SEMA3E: variants seen among roughly 807,000 people sequenced by gnomAD.
SEMA3E encodes semaphorin 3E, also known as semaphorin-3E.
A neutral mutation model predicts 93.6 loss-of-function variants in SEMA3E; 49 were observed. The ratio of observed to expected loss-of-function variants is 0.52; its 90% CI spans 0.42 to 0.66. The LOEUF is 0.66. Among genes scored for constraint, SEMA3E ranks in the 30% least tolerant of loss-of-function variants. The pLI is 0.00. For synonymous variants in SEMA3E, 363 were observed against 330.7 expected (o/e 1.10, Z -1.06); for missense variants, 906 against 964.8 (o/e 0.94, Z 0.81).
intron 11 of SEMA3E, among the ~76,000 whole-genome samples, chr7:83,398,633 T>A (rs1424479319): frequency 1.3e-5 from 2 of 152,180 alleles, no homozygotes; most frequent in East Asian, 3.9e-4. Context: ...TTTTCTTTTT[T>A]AAATCTTTGT....
At chr7:83,429,161 T>G (rs1471911260) in intron 4 of SEMA3E, among the ~76,000 whole-genome samples, 1 of 152,196 alleles carries the variant, frequency 6.6e-6, no homozygotes, top group East Asian at 1.9e-4. Context: ...TTAATACCAT[T>G]GGAATAGCTG....
chr7:83,449,703 T>C (rs988839004), intron 4 of SEMA3E, among the ~76,000 whole-genome samples: 1 of 152,130 alleles, frequency 6.6e-6, no homozygotes, highest in Non-Finnish European at 1.5e-5. Flanking sequence ...TCAGAAAACG[T>C]TGGTTTTGTT....
chr7:83,448,841 G>C (rs906737728), intron 4 of SEMA3E, among the ~76,000 whole-genome samples: 1 of 152,046 alleles, frequency 6.6e-6, no homozygotes, highest in Non-Finnish European at 1.5e-5. Context: ...TAAGTTTTTG[G>C]TATGAGAGAC....
chr7:83,508,553 C>T (rs975638972), intron 1 of SEMA3E, among the ~76,000 whole-genome samples: 17 of 152,218 alleles, frequency 1.1e-4, no homozygotes, highest in East Asian at 9.6e-4. Context: ...TGAGCCACTG[C>T]GCCTGGCTTA....
chr7:83,638,232 A>G (rs1793919932), intron 1 of SEMA3E, among the ~76,000 whole-genome samples: 1 of 152,208 alleles, frequency 6.6e-6, no homozygotes, highest in Admixed American at 6.5e-5. Flanking sequence ...GAGGTCATTC[A>G]TAACAATATT....
intron 4 of SEMA3E, among the ~76,000 whole-genome samples, chr7:83,461,068 T>C (rs1188233915): frequency 6.6e-6 from 1 of 152,106 alleles, no homozygotes; most frequent in Non-Finnish European, 1.5e-5. Flanking sequence ...AACTGGACAG[T>C]AGTTCCAAAT....
At position 83,363,859 on chromosome 7, in the gene SEMA3E, CATTTTTTTTTTTTTTTTTTTTTT is replaced by C. The variant is rs1794622078; in HGVS notation, c.*3704_*3726del. The C allele has an allele frequency of 9.9e-6, 1 of 100,558 alleles. No individual in the cohort carries two copies. Among genetic ancestry groups the C allele is most frequent in the African/African-American group, 4.7e-5 (1 of 21,430 alleles). The allele number at this position is 100,558 out of a possible 1,614,324, so 6.2% of individuals were successfully genotyped here. A position where few individuals can be genotyped will look rare whatever the true frequency, so the allele number is the denominator to read the frequency against. On this transcript the variant is annotated 3_prime_UTR_variant, in exon 17 of 17. Coordinates refer to ENST00000643230, the MANE Select transcript of SEMA3E (RefSeq NM_012431.3). ...AGGCTACAGGTGTCACAGGTCAATT[CATTTTTTTTTTTTTTTTTTTTTT>C]TTTTTTTTTTTTTTTTTTTTTTTGA...
At chr7:83,543,936 G>A (rs1791589555) in intron 1 of SEMA3E, among the ~76,000 whole-genome samples, 1 of 151,962 alleles carries the variant, frequency 6.6e-6, no homozygotes, top group South Asian at 2.1e-4. Flanking sequence ...TCTTTAGTTA[G>A]GTCAAACATT....
At chr7:83,538,394 G>A (rs1245419690) in intron 1 of SEMA3E, among the ~76,000 whole-genome samples, 1 of 152,078 alleles carries the variant, frequency 6.6e-6, no homozygotes, top group Non-Finnish European at 1.5e-5. Flanking sequence ...GGCATGAGGT[G>A]TATCTTATTA....
intron 1 of SEMA3E, among the ~76,000 whole-genome samples, chr7:83,609,246 A>T (rs1431434534): frequency 6.6e-6 from 1 of 152,062 alleles, no homozygotes; most frequent in Non-Finnish European, 1.5e-5. Context: ...AAATGATGAT[A>T]TTTAAATAGA....
chr7:83,534,934 C>T lies in SEMA3E; in HGVS notation c.116-44660G>A, dbSNP rs78405255. 4.3e-3 allele frequency among the ~76,000 whole-genome samples: 659 copies of T among 152,252 alleles called. 8 individuals carry two copies. The highest frequency in any genetic ancestry group is 0.015 in the African/African-American group (633 of 41,534). On this transcript the variant is annotated intron_variant, in intron 1 of 16. Coordinates refer to ENST00000643230, the MANE Select transcript of SEMA3E (RefSeq NM_012431.3). The stretch of plus-strand genomic sequence containing the variant: ...CAATCTAGTGATAGGATTTTATCCT[C>T]GGGGCAATAATAAGCCATTCCTCTG...
chr7:83,550,663 C>T (rs1175396364), intron 1 of SEMA3E, among the ~76,000 whole-genome samples: 1 of 152,042 alleles, frequency 6.6e-6, no homozygotes, highest in Non-Finnish European at 1.5e-5. Flanking sequence ...GTTTTAGCAT[C>T]TTACTCTATT....
At chr7:83,416,984 T>TAA (rs1788555729) in intron 5 of SEMA3E, among the ~76,000 whole-genome samples, 1 of 113,668 alleles carries the variant, frequency 8.8e-6, no homozygotes, top group South Asian at 3.2e-4. Flanking sequence ...ACTCTGTTTA[T>TAA]ACACACACAC....
intron 2 of SEMA3E, 76 bp from the exon 3 acceptor site, chr7:83,469,378 T>G: frequency 9.8e-7 from 1 of 1,016,990 alleles, no homozygotes; most frequent in South Asian, 1.4e-5. Flanking sequence ...TTCACTTTCT[T>G]CTACAGTTCA....
At chr7:83,378,573 T>C (rs1223757366) in intron 16 of SEMA3E, among the ~76,000 whole-genome samples, 1 of 151,940 alleles carries the variant, frequency 6.6e-6, no homozygotes, top group Non-Finnish European at 1.5e-5. Flanking sequence ...TCACTTAACC[T>C]GTTATTAGAT....
intron 1 of SEMA3E, among the ~76,000 whole-genome samples, chr7:83,580,284 T>C (rs1304575988): frequency 6.6e-6 from 1 of 152,032 alleles, no homozygotes; most frequent in Non-Finnish European, 1.5e-5. Context: ...TTACCTTCCT[T>C]GAATTACTCT....
chr7:83,581,823 T>G (rs1474346388), intron 1 of SEMA3E, among the ~76,000 whole-genome samples: 1 of 152,030 alleles, frequency 6.6e-6, no homozygotes, highest in East Asian at 1.9e-4. Context: ...AGTCAATGTT[T>G]TCATTTCATT....
intron 1 of SEMA3E, among the ~76,000 whole-genome samples, chr7:83,507,424 C>CTGTGTGTGTG (rs4016317): frequency 0.013 from 1,629 of 125,922 alleles, 21 homozygotes; most frequent in East Asian, 0.021. Context: ...AAACAGAACT[C>CTGTGTGTGTG]TGTGTGTGTG....
chr7:83,599,832 G>C (rs927211081), intron 1 of SEMA3E, among the ~76,000 whole-genome samples: 1 of 152,102 alleles, frequency 6.6e-6, no homozygotes, highest in Non-Finnish European at 1.5e-5. Flanking sequence ...TTGTGTGTCT[G>C]TTTCAAAACA....
Sources: gnomAD v4.1 joint callset for allele counts (sites outside exome capture counted in the v4.1 genomes callset) on GRCh38, gnomAD v4.1.1 for gene constraint, MANE v1.5 for transcripts, NCBI Gene and HGNC (gene_info 2026-07-23, HGNC 2026-07-21) for gene names.